SKAP2: variants seen among roughly 807,000 people sequenced by gnomAD.
The protein encoded by SKAP2 is src kinase associated phosphoprotein 2.
SKAP2 carries 28 observed loss-of-function variants against 54.9 expected under a neutral mutation model. The ratio of observed to expected loss-of-function variants is 0.51; its 90% CI spans 0.38 to 0.70. The LOEUF (loss-of-function observed/expected upper bound fraction) is 0.70, where lower values mean the gene tolerates loss of function less well. Among genes scored for constraint, SKAP2 ranks in the 30% least tolerant of loss-of-function variants. SKAP2 has a pLI of 0.00. For missense variants in SKAP2, 356 were observed against 424.1 expected, an observed-to-expected ratio of 0.84 and a Z score of 1.41; for synonymous variants, 137 against 134.3, an observed-to-expected ratio of 1.02 and a Z score of -0.14.
At chr7:26,796,069 C>T (rs1342455998) in intron 4 of SKAP2, among the ~76,000 whole-genome samples, 2 of 152,118 alleles carry the variant, frequency 1.3e-5, no homozygotes, top group Non-Finnish European at 2.9e-5. Context: ...TATGTAAATA[C>T]TAGTCTATTT....
At chr7:26,778,203 C>T (rs1783354360) in intron 4 of SKAP2, among the ~76,000 whole-genome samples, 1 of 152,000 alleles carries the variant, frequency 6.6e-6, no homozygotes, top group South Asian at 2.1e-4. Flanking sequence ...GGGGGAAAAG[C>T]ATTTCAGGGA....
chr7:26,720,217 C>A (rs900989671), intron 9 of SKAP2, among the ~76,000 whole-genome samples: 1 of 152,192 alleles, frequency 6.6e-6, no homozygotes, highest in East Asian at 1.9e-4. Context: ...TTTTATCTCA[C>A]CACCAGTGGA....
At chr7:26,857,763 A>G (rs1785203094) in intron 1 of SKAP2, 2 of 982,884 alleles carry the variant, frequency 2.0e-6, no homozygotes, top group South Asian at 4.7e-5. Context: ...AGCCAGGGTA[A>G]TATTTCAAAA....
In SKAP2 at chr7:26,738,720, T is replaced by C. The variant is rs901653999; in HGVS notation, c.469+75A>G. ...ATTAGTTTGTCTTCAGTTTACTCTGTACTCAAAAGAGGGGGAAGGGATGGC... is the reference window on the plus strand; with the variant it reads ...ATTAGTTTGTCTTCAGTTTACTCTGCACTCAAAAGAGGGGGAAGGGATGGC... On this transcript the variant is annotated intron_variant, in intron 6 of 12. Transcript: ENST00000345317. The C allele has an allele frequency of 3.6e-5, 28 of 776,034 alleles. No homozygotes were observed. In the East Asian group the frequency reaches 6.9e-4, roughly 19 times the overall value. The allele number at this position is 776,034 out of a possible 1,614,324, so 48.1% of individuals were successfully genotyped here.
At chr7:26,834,409 G>A (rs948968268) in intron 4 of SKAP2, among the ~76,000 whole-genome samples, 2 of 152,062 alleles carry the variant, frequency 1.3e-5, no homozygotes, top group Non-Finnish European at 2.9e-5. Context: ...TTCAGGAGCT[G>A]GTGTTTTGAA....
At chr7:26,851,481 C>T (rs2030135) in intron 3 of SKAP2, among the ~76,000 whole-genome samples, 32,182 of 151,596 alleles carry the variant, frequency 0.21, 3,479 homozygotes, top group Non-Finnish European at 0.24. Context: ...AAACCAAACA[C>T]CGCGTGTTCT....
At chr7:26,776,496 A>G (rs916668306) in intron 4 of SKAP2, among the ~76,000 whole-genome samples, 11 of 152,044 alleles carry the variant, frequency 7.2e-5, no homozygotes, top group African/African-American at 2.4e-4. Flanking sequence ...CTCTATCTCT[A>G]TGAATGGCAT....
chr7:26,790,929 C>T (rs556581460), intron 4 of SKAP2, among the ~76,000 whole-genome samples: 21 of 152,232 alleles, frequency 1.4e-4, no homozygotes, highest in African/African-American at 5.1e-4. Flanking sequence ...TAGCAAAAAA[C>T]TGTCGATATT....
At chr7:26,766,828 A>G (rs941614490) in intron 4 of SKAP2, among the ~76,000 whole-genome samples, 23 of 152,190 alleles carry the variant, frequency 1.5e-4, no homozygotes, top group African/African-American at 5.3e-4. Flanking sequence ...CGACTTGATC[A>G]TGGTGGATAA....
chr7:26,664,326 G>A (rs1235616794), downstream of SKAP2, among the ~76,000 whole-genome samples: 2 of 152,262 alleles, frequency 1.3e-5, no homozygotes, highest in East Asian at 3.9e-4. Context: ...TAAACACTCA[G>A]TAAATGTTAG....
intron 4 of SKAP2, among the ~76,000 whole-genome samples, chr7:26,794,417 C>T (rs1309265193): frequency 6.6e-6 from 1 of 152,190 alleles, no homozygotes; most frequent in Non-Finnish European, 1.5e-5. Context: ...AGATTTCTTC[C>T]TTGTCTATAA....
chr7:26,690,449 A>G (rs1287077029), intron 9 of SKAP2, 87 bp from the exon 10 acceptor site: 14 of 815,498 alleles, frequency 1.7e-5, no homozygotes, highest in Non-Finnish European at 2.7e-5. Flanking sequence ...AGCAAAACTA[A>G]AAGTTTATAA....
Position 26,739,896 on chromosome 7 carries a change from G to A in SKAP2, c.376C>T (p.Arg126Cys), listed in dbSNP as rs1025140851. The A allele has an allele frequency of 1.2e-5, 19 of 1,607,712 alleles. No individual in the cohort carries two copies. Among genetic ancestry groups the A allele is most frequent in the Admixed American group, 1.7e-5 (1 of 59,208 alleles). Residue 126 changes from arginine to cysteine, a missense_variant, in exon 5 of 13, where the codon CGC becomes TGC. Physicochemically the swap from Arg to Cys is radical, Grantham distance 180. Transcript: ENST00000345317. The part of the protein sequence containing the change: ...FVLKAGYLEK[R>C]RKDHSFLGFE... ...AGAACCTTCAGTTTACCTTTTCTGCGTTTTTCAAGGTAGCCAGCCTTTAGA... is the reference window on the plus strand; with the variant it reads ...AGAACCTTCAGTTTACCTTTTCTGCATTTTTCAAGGTAGCCAGCCTTTAGA...
At chr7:26,784,006 C>T (rs17154529) in intron 4 of SKAP2, among the ~76,000 whole-genome samples, 6,181 of 151,700 alleles carry the variant, frequency 0.041, 411 homozygotes, top group African/African-American at 0.14. Context: ...CTGAACTGCC[C>T]TTATCTGACT....
At chr7:26,703,314 T>C (rs563047961) in intron 9 of SKAP2, among the ~76,000 whole-genome samples, 6 of 152,348 alleles carry the variant, frequency 3.9e-5, no homozygotes, top group Admixed American at 3.9e-4. Context: ...ATTCAAAGGA[T>C]TGGACATGGT....
chr7:26,829,648 A>G (rs1318796602), intron 4 of SKAP2, among the ~76,000 whole-genome samples: 2 of 152,234 alleles, frequency 1.3e-5, no homozygotes, highest in Non-Finnish European at 2.9e-5. Context: ...CAATAAGCAC[A>G]TAAAAAGGTG....
At chr7:26,655,947 A>G in the SKAP2 span, among the ~76,000 whole-genome samples, 1 of 152,164 alleles carries the variant, frequency 6.6e-6, no homozygotes, top group African/African-American at 2.4e-5. Context: ...CTGGATGGAA[A>G]TGTTAGCAAG....
chr7:26,766,925 TTTTC>T (rs1562602969), intron 4 of SKAP2, among the ~76,000 whole-genome samples: 1 of 152,178 alleles, frequency 6.6e-6, no homozygotes, highest in Non-Finnish European at 1.5e-5. Flanking sequence ...TGGCCTGAAA[TTTTC>T]TTTTTTTGTT....
At chr7:26,786,961 A>C (rs1383119334) in intron 4 of SKAP2, among the ~76,000 whole-genome samples, 2 of 152,184 alleles carry the variant, frequency 1.3e-5, no homozygotes, top group Admixed American at 1.3e-4. Context: ...ATTAATTTTT[A>C]ATCATTTGAA....
Sources: gnomAD v4.1 joint callset for allele counts (sites outside exome capture counted in the v4.1 genomes callset) on GRCh38, gnomAD v4.1.1 for gene constraint, MANE v1.5 for transcripts, NCBI Gene and HGNC (gene_info 2026-07-23, HGNC 2026-07-21) for gene names.